The following GBF1 variants were observed in gnomAD, a reference collection of about 807,000 sequenced individuals.
The protein encoded by GBF1 is golgi brefeldin A resistant guanine nucleotide exchange factor 1.
GBF1 carries 114 observed loss-of-function variants against 210.5 expected under a neutral mutation model. That is an observed-to-expected ratio of 0.54 (90% CI 0.47 to 0.63). GBF1 has a LOEUF of 0.63. Among genes scored for constraint, GBF1 ranks in the 30% least tolerant of loss-of-function variants. The pLI is 0.00. For missense variants in GBF1, 1,851 were observed against 2,357.7 expected, an observed-to-expected ratio of 0.79 and a Z score of 4.45; for synonymous variants, 850 against 889.2, an observed-to-expected ratio of 0.96 and a Z score of 0.78.
the GBF1 span, chr10:102,231,949 G>A: frequency 6.2e-7 from 1 of 1,600,204 alleles, no homozygotes; most frequent in South Asian, 1.1e-5. Context: ...ACCCCCGGAA[G>A]GGGGCGCGCT....
In GBF1 at chr10:102,370,483, G is replaced by A. The variant is rs2060142826; in HGVS notation, c.3506+5G>A. ...AAGGATTGTGTTGGAGAACAGGTAA[G>A]ATGAGCGTAGTCTTTAGGCAGACCC... On this transcript the variant is annotated splice_donor_5th_base_variant and intron_variant, in intron 28 of 39. Coordinates refer to ENST00000369983, the MANE Select transcript of GBF1 (RefSeq NM_001377137.1). The A allele has an allele frequency of 1.9e-6, 3 of 1,601,928 alleles. No homozygotes were observed. The highest frequency in any genetic ancestry group is 1.3e-5 in the African/African-American group (1 of 74,698).
intron 3 of GBF1, among the ~76,000 whole-genome samples, chr10:102,336,631 A>G (rs1393816504): frequency 5.3e-5 from 8 of 152,234 alleles, no homozygotes; most frequent in Non-Finnish European, 1.2e-4. Context: ...AATTAAAGTC[A>G]CATAGCTATT....
At chr10:102,376,496 C>T in intron 31 of GBF1, 64 bp downstream of exon 31, 1 of 1,610,720 alleles carries the variant, frequency 6.2e-7, no homozygotes, top group Non-Finnish European at 8.5e-7. Context: ...AATTCCTGGT[C>T]CTCTGCAAGG....
intron 3 of GBF1, among the ~76,000 whole-genome samples, chr10:102,295,424 T>G (rs1156376494): frequency 6.6e-6 from 1 of 152,240 alleles, no homozygotes; most frequent in Non-Finnish European, 1.5e-5. Context: ...TAAAAGTTTA[T>G]GGCAGTTATA....
intron 3 of GBF1, among the ~76,000 whole-genome samples, chr10:102,276,958 T>G (rs79868665): frequency 0.048 from 7,088 of 149,050 alleles, 327 homozygotes; most frequent in African/African-American, 0.12. Flanking sequence ...TATGTCCTTT[T>G]GCTACTTACA....
At chr10:102,344,015 G>A in intron 3 of GBF1, 36 bp from the exon 4 acceptor site, 1 of 1,595,500 alleles carries the variant, frequency 6.3e-7, no homozygotes, top group Non-Finnish European at 8.6e-7. Context: ...TTTTCTCTTA[G>A]ATGATACCTC....
chr10:102,256,165 G>C (rs146207287), intron 1 of GBF1, among the ~76,000 whole-genome samples: 2 of 152,068 alleles, frequency 1.3e-5, no homozygotes, highest in South Asian at 4.1e-4. Context: ...GGCTGGTCTC[G>C]AACTCCTGGG....
chr10:102,377,190 G>T (rs1303693279), intron 33 of GBF1, 50 bp downstream of exon 33: 2 of 1,506,014 alleles, frequency 1.3e-6, no homozygotes, highest in East Asian at 2.3e-5. Flanking sequence ...CTGATACTGG[G>T]AGCCTGGGGC....
intron 3 of GBF1, among the ~76,000 whole-genome samples, chr10:102,335,387 G>C (rs1452339545): frequency 6.6e-6 from 1 of 152,204 alleles, no homozygotes; most frequent in Non-Finnish European, 1.5e-5. Context: ...TGGGGTGTCA[G>C]ATGTCTCCTT....
At chr10:102,354,205 C>T (rs1219252031) in intron 8 of GBF1, among the ~76,000 whole-genome samples, 2 of 152,196 alleles carry the variant, frequency 1.3e-5, no homozygotes, top group South Asian at 4.1e-4. Context: ...ATTCCGCTTG[C>T]AGCCCTAAGA....
At chr10:102,264,893 C>G (rs2073687087) in intron 3 of GBF1, among the ~76,000 whole-genome samples, 1 of 152,240 alleles carries the variant, frequency 6.6e-6, no homozygotes, top group Non-Finnish European at 1.5e-5. Context: ...GCCACTGCCT[C>G]TCTCTTACAT....
intron 3 of GBF1, among the ~76,000 whole-genome samples, chr10:102,326,837 T>A (rs946794949): frequency 3.9e-5 from 6 of 152,214 alleles, no homozygotes; most frequent in South Asian, 2.1e-4. Flanking sequence ...GTTGCATATA[T>A]CAGTAGTTTT....
chr10:102,260,189 A>G, intron 3 of GBF1, 73 bp downstream of exon 3: 1 of 846,938 alleles, frequency 1.2e-6, no homozygotes, highest in Non-Finnish European at 2.0e-6. Context: ...AAGGATAGAC[A>G]AACTTTTTGT....
intron 3 of GBF1, among the ~76,000 whole-genome samples, chr10:102,342,789 T>C (rs1455661501): frequency 6.6e-6 from 1 of 152,124 alleles, no homozygotes; most frequent in Non-Finnish European, 1.5e-5. Context: ...CTCTGAAAGA[T>C]GAAAGCACAG....
intron 3 of GBF1, among the ~76,000 whole-genome samples, chr10:102,277,686 A>T (rs990689904): frequency 1.3e-5 from 2 of 152,216 alleles, no homozygotes; most frequent in Non-Finnish European, 2.9e-5. Context: ...GCCTATCATG[A>T]TCTTTTATCC....
chr10:102,291,994 A>T (rs1456232117), intron 3 of GBF1, among the ~76,000 whole-genome samples: 1 of 147,066 alleles, frequency 6.8e-6, no homozygotes, highest in Non-Finnish European at 1.5e-5. Flanking sequence ...GGTTCATGCC[A>T]TTCTCCTGCC....
intron 3 of GBF1, among the ~76,000 whole-genome samples, chr10:102,285,863 T>G (rs2075890689): frequency 6.6e-6 from 1 of 152,202 alleles, no homozygotes; most frequent in Non-Finnish European, 1.5e-5. Flanking sequence ...TGGTAGGTTT[T>G]TCTAACTTTT....
At chr10:102,323,531 T>C (rs2056622712) in intron 3 of GBF1, among the ~76,000 whole-genome samples, 1 of 151,840 alleles carries the variant, frequency 6.6e-6, no homozygotes, top group Non-Finnish European at 1.5e-5. Flanking sequence ...TAGACTTCAG[T>C]GTAGACTAAG....
At chr10:102,246,902 T>C (rs2070904858) in intron 1 of GBF1, among the ~76,000 whole-genome samples, 1 of 152,248 alleles carries the variant, frequency 6.6e-6, no homozygotes, top group Admixed American at 6.5e-5. Flanking sequence ...GCTTTGGGAC[T>C]GCTCAGTTAA....
Sources: allele counts gnomAD v4.1 joint callset (sites outside exome capture counted in the v4.1 genomes callset), GRCh38; gene constraint gnomAD v4.1.1; transcripts MANE v1.5; gene names NCBI Gene and HGNC (gene_info 2026-07-23, HGNC 2026-07-21).